Variants in PHF21B observed in about 807,000 individuals in gnomAD.
PHF21B encodes PHD finger protein 21B.
In PHF21B, 22 loss-of-function variants were observed where a neutral mutation model predicts 62.2. The observed-to-expected ratio is 0.35, with a 90% CI of 0.25 to 0.51. The LOEUF (loss-of-function observed/expected upper bound fraction) is 0.51, where lower values mean the gene tolerates loss of function less well. Among genes scored for constraint, PHF21B ranks in the 20% least tolerant of loss-of-function variants. The pLI is 0.97. For missense variants in PHF21B, 701 were observed against 707.9 expected (o/e 0.99, Z 0.11); for synonymous variants, 341 against 314.7 (o/e 1.08, Z -0.88).
chr22:44,886,253 A>T (rs1428592716), intron 10 of PHF21B, among the ~76,000 whole-genome samples: 1 of 151,884 alleles, frequency 6.6e-6, no homozygotes, highest in Non-Finnish European at 1.5e-5. Flanking sequence ...GAGGGCAGCG[A>T]CCCCAGGCAC....
At position 44,940,330 on chromosome 22, in the gene PHF21B, G is replaced by A. The variant is rs16993163; in HGVS notation, c.121-19840C>T. On this transcript the variant is annotated intron_variant, in intron 2 of 12. Coordinates refer to ENST00000313237, the MANE Select transcript of PHF21B (RefSeq NM_138415.5). ...AGCCTGCACCCAGCGCCAATGCCAC[G>A]TCCCTAATTACCAGCATTAGCATTG... Among the ~76,000 whole-genome samples the A allele has an allele frequency of 2.2e-3, 338 of 152,292 alleles. 4 individuals are homozygous for A. The highest frequency in any genetic ancestry group is 7.9e-3 in the African/African-American group (327 of 41,558).
chr22:44,935,752 C>T lies in PHF21B; in HGVS notation c.121-15262G>A, dbSNP rs558195433. On this transcript the variant is annotated intron_variant, in intron 2 of 12. Transcript: ENST00000313237. ...GCTGTGACTTCAAGCTGTTTAACCT[C>T]CTGAGCCTCAGTTTCCTCATCTGTA... Among the ~76,000 whole-genome samples the T allele has an allele frequency of 2.0e-5, 3 of 152,344 alleles. No individual in the cohort carries two copies. The South Asian group carries it at 6.2e-4, about 32-fold the overall frequency.
chr22:44,952,781 C>T (rs1219174601), intron 2 of PHF21B, among the ~76,000 whole-genome samples: 1 of 152,186 alleles, frequency 6.6e-6, no homozygotes, highest in Non-Finnish European at 1.5e-5. Context: ...CTCTAAATAA[C>T]CCCAGAGGTT....
intron 2 of PHF21B, among the ~76,000 whole-genome samples, chr22:44,976,454 A>G (rs2072739928): frequency 6.6e-6 from 1 of 152,186 alleles, no homozygotes; most frequent in Non-Finnish European, 1.5e-5. Context: ...CCATTGACCA[A>G]TCTTTCCCTA....
At chr22:44,932,432 C>T (rs994070848) in intron 2 of PHF21B, among the ~76,000 whole-genome samples, 1 of 152,178 alleles carries the variant, frequency 6.6e-6, no homozygotes, top group Non-Finnish European at 1.5e-5. Flanking sequence ...TCTGGAGTGG[C>T]CGCCACCACC....
intron 2 of PHF21B, among the ~76,000 whole-genome samples, chr22:44,984,131 TCA>T (rs2072896286): frequency 7.6e-6 from 1 of 131,576 alleles, no homozygotes; most frequent in African/African-American, 2.9e-5. Context: ...ATCACCATCA[TCA>T]TGATCACCAT....
intron 5 of PHF21B, among the ~76,000 whole-genome samples, chr22:44,898,535 GA>G (rs1333861487): frequency 4.6e-5 from 7 of 152,058 alleles, no homozygotes; most frequent in Non-Finnish European, 8.8e-5. Flanking sequence ...CTGGGAATCA[GA>G]CTCCACTCAG....
At chr22:44,927,958 C>T (rs746634063) in intron 2 of PHF21B, among the ~76,000 whole-genome samples, 2 of 152,064 alleles carry the variant, frequency 1.3e-5, no homozygotes, top group African/African-American at 4.8e-5. Flanking sequence ...GAGTCTGGGG[C>T]GGGGCGGGGC....
intron 2 of PHF21B, among the ~76,000 whole-genome samples, chr22:44,944,430 G>C (rs567526834): frequency 6.6e-6 from 1 of 152,194 alleles, no homozygotes; most frequent in Non-Finnish European, 1.5e-5. Context: ...GTCATCTGAA[G>C]CACCCTCTGG....
chr22:44,894,715 T>A (rs2071026625), intron 6 of PHF21B, among the ~76,000 whole-genome samples: 1 of 152,094 alleles, frequency 6.6e-6, no homozygotes, highest in Non-Finnish European at 1.5e-5. Flanking sequence ...TGCCCAGGGA[T>A]CTGGAAGGCT....
chr22:44,911,784 G>A (rs778302208), intron 5 of PHF21B, among the ~76,000 whole-genome samples: 23 of 152,244 alleles, frequency 1.5e-4, no homozygotes, highest in Non-Finnish European at 2.6e-4. Flanking sequence ...AGTCTCTACT[G>A]GGGCACTGGC....
At chr22:44,930,853 C>T (rs1210211336) in intron 2 of PHF21B, among the ~76,000 whole-genome samples, 1 of 152,230 alleles carries the variant, frequency 6.6e-6, no homozygotes, top group Non-Finnish European at 1.5e-5. Flanking sequence ...GTTTGGACCT[C>T]GGTATCTTCT....
intron 2 of PHF21B, among the ~76,000 whole-genome samples, chr22:44,923,898 C>A (rs952347532): frequency 6.6e-6 from 1 of 151,836 alleles, no homozygotes; most frequent in Non-Finnish European, 1.5e-5. Flanking sequence ...GTAGTCTCAG[C>A]TGCTTGGGAG....
intron 2 of PHF21B, among the ~76,000 whole-genome samples, chr22:44,970,447 C>T (rs985653018): frequency 2.6e-5 from 4 of 152,218 alleles, no homozygotes; most frequent in Non-Finnish European, 5.9e-5. Context: ...GTGTGCCAGG[C>T]GGCAGCCCCA....
chr22:44,909,757 G>A (rs1354114191), intron 5 of PHF21B, among the ~76,000 whole-genome samples: 1 of 152,200 alleles, frequency 6.6e-6, no homozygotes, highest in Admixed American at 6.5e-5. Context: ...CCTCCAGCTG[G>A]TGAGCTACCC....
chr22:44,955,107 G>A (rs967605859), intron 2 of PHF21B, among the ~76,000 whole-genome samples: 11 of 152,328 alleles, frequency 7.2e-5, no homozygotes, highest in East Asian at 1.9e-4. Context: ...GGGAATGGCC[G>A]GTTAAGAAGA....
intron 3 of PHF21B, among the ~76,000 whole-genome samples, chr22:44,917,185 C>T (rs939837197): frequency 6.6e-6 from 1 of 152,214 alleles, no homozygotes; most frequent in South Asian, 2.1e-4. Flanking sequence ...GCCGGGCAGC[C>T]ACTGGGTGGT....
At chr22:44,956,789 C>T (rs536045515) in intron 2 of PHF21B, among the ~76,000 whole-genome samples, 1 of 152,340 alleles carries the variant, frequency 6.6e-6, no homozygotes, top group South Asian at 2.1e-4. Context: ...AAACAGAAAA[C>T]TTGGGCTAAG....
chr22:44,894,364 C>T (rs577536284), intron 6 of PHF21B, among the ~76,000 whole-genome samples: 1 of 152,266 alleles, frequency 6.6e-6, no homozygotes, highest in South Asian at 2.1e-4. Context: ...AGTTTACAGG[C>T]GCAGTTTTCC....
Sources: gnomAD v4.1 joint callset for allele counts (sites outside exome capture counted in the v4.1 genomes callset) on GRCh38, gnomAD v4.1.1 for gene constraint, MANE v1.5 for transcripts, NCBI Gene and HGNC (gene_info 2026-07-23, HGNC 2026-07-21) for gene names.